PTPRK: variants seen among roughly 807,000 people sequenced by gnomAD.
PTPRK encodes protein tyrosine phosphatase receptor type K.
Under a neutral mutation model 178.0 loss-of-function variants are expected in PTPRK, and 75 were observed. The observed-to-expected ratio is 0.42, with a 90% CI of 0.35 to 0.51. The LOEUF (loss-of-function observed/expected upper bound fraction) is 0.51. PTPRK is among the 20% of genes least tolerant of loss of function. The pLI, the probability that PTPRK is intolerant of heterozygous loss-of-function variation, is 0.02. For synonymous variants in PTPRK, 637 were observed against 620.6 expected, an observed-to-expected ratio of 1.03 and a Z score of -0.39; for missense variants, 1,441 against 1,797.8, an observed-to-expected ratio of 0.80 and a Z score of 3.59.
intron 3 of PTPRK, among the ~76,000 whole-genome samples, chr6:128,316,957 CTGTT>C (rs1246844000): frequency 6.6e-6 from 1 of 152,090 alleles, no homozygotes; most frequent in Admixed American, 6.6e-5. Context: ...TTGGGGTACT[CTGTT>C]TGCAACAAAG....
chr6:127,981,567 A>C (rs1775341362), intron 24 of PTPRK, among the ~76,000 whole-genome samples: 1 of 152,158 alleles, frequency 6.6e-6, no homozygotes, highest in African/African-American at 2.4e-5. Context: ...GCCTTAACCA[A>C]AGAAAATGCA....
At chr6:128,219,779 G>T (rs79315807) in intron 5 of PTPRK, among the ~76,000 whole-genome samples, 2 of 152,174 alleles carry the variant, frequency 1.3e-5, no homozygotes. Context: ...TGTATTGCCT[G>T]TGCTGTAGTA....
At chr6:128,113,596 C>A (rs1422570836) in intron 7 of PTPRK, among the ~76,000 whole-genome samples, 1 of 151,840 alleles carries the variant, frequency 6.6e-6, no homozygotes, top group Non-Finnish European at 1.5e-5. Flanking sequence ...GGAGGATATG[C>A]TCAGGTTACA....
At chr6:128,230,278 C>G (rs569176100) in intron 5 of PTPRK, among the ~76,000 whole-genome samples, 1 of 151,874 alleles carries the variant, frequency 6.6e-6, no homozygotes, top group Admixed American at 6.6e-5. Context: ...AGATAAATTG[C>G]GAGGAAAGGA....
intron 1 of PTPRK, among the ~76,000 whole-genome samples, chr6:128,402,257 T>G (rs11490775): frequency 6.9e-6 from 1 of 144,024 alleles, no homozygotes; most frequent in Non-Finnish European, 1.5e-5. Context: ...TTGTTTGTTT[T>G]TGTTTTTGTT....
chr6:128,132,061 C>A, intron 7 of PTPRK, among the ~76,000 whole-genome samples: 1 of 151,818 alleles, frequency 6.6e-6, no homozygotes, highest in African/African-American at 2.4e-5. Flanking sequence ...ACATTTGTAC[C>A]TAAAGCTATG....
At chr6:128,037,088 A>C (rs1301323095) in intron 13 of PTPRK, among the ~76,000 whole-genome samples, 1 of 151,360 alleles carries the variant, frequency 6.6e-6, no homozygotes, top group Non-Finnish European at 1.5e-5. Context: ...CTGTGCTGCC[A>C]CCTCCCTCGC....
chr6:128,009,022 T>C (rs1778752444), intron 14 of PTPRK, 108 bp downstream of exon 14: 1 of 1,027,242 alleles, frequency 9.7e-7, no homozygotes, highest in Non-Finnish European at 1.4e-6. Flanking sequence ...AAAATTAAAA[T>C]TTTCTTCCTG....
At chr6:128,188,141 A>G (rs1803097470) in intron 6 of PTPRK, among the ~76,000 whole-genome samples, 1 of 152,148 alleles carries the variant, frequency 6.6e-6, no homozygotes, top group African/African-American at 2.4e-5. Flanking sequence ...TATAAGATAA[A>G]CTTTGCCGAT....
At chr6:128,130,097 T>C (rs1259065532) in intron 7 of PTPRK, among the ~76,000 whole-genome samples, 1 of 152,186 alleles carries the variant, frequency 6.6e-6, no homozygotes, top group Non-Finnish European at 1.5e-5. Flanking sequence ...ATAGAATGTT[T>C]TCAGATGACA....
chr6:128,067,579 A>G lies in PTPRK; in HGVS notation c.2097T>C (p.Pro699=). The G allele has an allele frequency of 6.2e-7, 1 of 1,612,522 alleles. No individual in the cohort carries two copies. Among genetic ancestry groups the G allele is most frequent in the African/African-American group, 1.3e-5 (1 of 75,026 alleles). The change falls in exon 12 of 30, where the codon CCT becomes CCC. Residue 699 remains proline (P), a synonymous_variant. Coordinates refer to ENST00000368226, the MANE Select transcript of PTPRK (RefSeq NM_002844.4). The stretch of plus-strand genomic sequence containing the variant: ...TGTATCCTTTGCGCGGAGCCAAAGG[A>G]GGGTTCCAAAAGCCTTGGTAGGTCC... ...DNRTYQGFWN[P]PLAPRKGYNI...
rs1777048232 is a variant in PTPRK at position 127,995,467 on chromosome 6, T to C, written c.2839A>G (p.Ile947Val). The change falls in exon 18 of 30, where the codon ATT becomes GTT. Residue 947 changes from isoleucine (I) to valine (V), a missense_variant. Transcript: ENST00000368226. Reference sequence around the variant, plus strand: ...TTAACTATAAAAATACTTACATCAATATAGTTGGCATTAATATAATCTGAG... The same window carrying C: ...TTAACTATAAAAATACTTACATCAACATAGTTGGCATTAATATAATCTGAG... ...PSSDYINANY[I>V]DGYQRPSHYI... 3 of 1,588,370 alleles carry C rather than the reference T, an allele frequency of 1.9e-6. No homozygotes were observed. The highest frequency in any genetic ancestry group is 2.6e-6 in the Non-Finnish European group (3 of 1,159,936).
intron 1 of PTPRK, among the ~76,000 whole-genome samples, chr6:128,431,410 A>C (rs1844822538): frequency 6.6e-6 from 1 of 152,198 alleles, no homozygotes; most frequent in Admixed American, 6.5e-5. Context: ...AAGCAGTCTG[A>C]AAATGTCTTT....
intron 2 of PTPRK, among the ~76,000 whole-genome samples, chr6:128,347,755 C>T (rs1832608494): frequency 1.3e-5 from 2 of 151,962 alleles, no homozygotes; most frequent in South Asian, 4.2e-4. Context: ...ACAAACTGAG[C>T]TACTAAGTTA....
intron 3 of PTPRK, among the ~76,000 whole-genome samples, chr6:128,293,254 G>A (rs757430356): frequency 2.1e-4 from 32 of 151,950 alleles, no homozygotes; most frequent in African/African-American, 5.1e-4. Context: ...TAGAAGCTGC[G>A]AAGTCCAAAA....
At chr6:128,301,763 G>C (rs1825645845) in intron 3 of PTPRK, among the ~76,000 whole-genome samples, 1 of 152,092 alleles carries the variant, frequency 6.6e-6, no homozygotes, top group South Asian at 2.1e-4. Context: ...GTTTACTTTA[G>C]AGTTGGAGAT....
intron 5 of PTPRK, chr6:128,235,280 T>C (rs914099442): frequency 2.6e-5 from 4 of 151,258 alleles, no homozygotes; most frequent in African/African-American, 9.8e-5. Flanking sequence ...AATAAATAAT[T>C]CAAAAAATTC....
intron 13 of PTPRK, among the ~76,000 whole-genome samples, chr6:128,045,676 T>A (rs1181505314): frequency 6.6e-6 from 1 of 152,082 alleles, no homozygotes; most frequent in Non-Finnish European, 1.5e-5. Flanking sequence ...AATTATGAAT[T>A]ATTGTACTAA....
At chr6:128,390,850 T>G (rs1839449158) in intron 2 of PTPRK, among the ~76,000 whole-genome samples, 1 of 152,132 alleles carries the variant, frequency 6.6e-6, no homozygotes, top group Non-Finnish European at 1.5e-5. Context: ...ACTCAGTAAG[T>G]GACCAGTAAG....
Sources: allele counts gnomAD v4.1 joint callset (sites outside exome capture counted in the v4.1 genomes callset), GRCh38; gene constraint gnomAD v4.1.1; transcripts MANE v1.5; gene names NCBI Gene and HGNC (gene_info 2026-07-23, HGNC 2026-07-21).